The following RUNDC3B variants were observed in gnomAD, a reference collection of about 807,000 sequenced individuals.
The protein encoded by RUNDC3B is RUN domain-containing protein 3B.
A neutral mutation model predicts 58.4 loss-of-function variants in RUNDC3B; 33 were observed. The ratio of observed to expected loss-of-function variants is 0.56; its 90% CI spans 0.43 to 0.75. The LOEUF is 0.75. RUNDC3B is among the 30% of genes least tolerant of loss of function. The pLI is 0.00. For missense variants in RUNDC3B, 501 were observed against 535.7 expected (o/e 0.94, Z 0.64); for synonymous variants, 193 against 195.2 (o/e 0.99, Z 0.10).
intron 9 of RUNDC3B, among the ~76,000 whole-genome samples, chr7:87,814,882 A>T (rs1836947042): frequency 6.6e-6 from 1 of 152,198 alleles, no homozygotes; most frequent in African/African-American, 2.4e-5. Flanking sequence ...CTTAGAGGGA[A>T]AAACAAATAT....
At chr7:87,766,076 T>C (rs1031741821) in intron 6 of RUNDC3B, among the ~76,000 whole-genome samples, 1 of 152,170 alleles carries the variant, frequency 6.6e-6, no homozygotes, top group Non-Finnish European at 1.5e-5. Flanking sequence ...CTGTTGTTGA[T>C]TTAAAGTCTG....
chr7:87,786,005 C>T (rs1262838339), intron 8 of RUNDC3B, among the ~76,000 whole-genome samples: 1 of 152,190 alleles, frequency 6.6e-6, no homozygotes, highest in Admixed American at 6.5e-5. Context: ...AGATTCTATG[C>T]AGGCTTTCCA....
At chr7:87,667,954 G>A (rs1029492753) in intron 2 of RUNDC3B, among the ~76,000 whole-genome samples, 1 of 151,802 alleles carries the variant, frequency 6.6e-6, no homozygotes, top group African/African-American at 2.4e-5. Context: ...TTCTTTTTTT[G>A]TTGTGTCTCT....
chr7:87,822,329 C>A (rs1837514590), intron 10 of RUNDC3B, among the ~76,000 whole-genome samples: 1 of 152,170 alleles, frequency 6.6e-6, no homozygotes, highest in Non-Finnish European at 1.5e-5. Context: ...AAGTCAAAAC[C>A]ACAATGAGAT....
intron 5 of RUNDC3B, among the ~76,000 whole-genome samples, chr7:87,740,662 A>G (rs995174678): frequency 3.3e-5 from 5 of 152,210 alleles, no homozygotes; most frequent in African/African-American, 1.2e-4. Context: ...GTTCGTTTTC[A>G]CTGAAGTTAT....
chr7:87,704,988 A>G (rs1014378109), intron 3 of RUNDC3B, among the ~76,000 whole-genome samples: 3 of 152,220 alleles, frequency 2.0e-5, no homozygotes, highest in African/African-American at 7.2e-5. Context: ...TTCAGACCAG[A>G]AGCACTAAAT....
chr7:87,729,917 G>A (rs1333902328), intron 4 of RUNDC3B, among the ~76,000 whole-genome samples: 1 of 152,174 alleles, frequency 6.6e-6, no homozygotes, highest in Non-Finnish European at 1.5e-5. Flanking sequence ...ATCAGGAACA[G>A]TCTTTGAGGC....
At position 87,770,667 on chromosome 7, in the gene RUNDC3B, C is replaced by T. The variant is rs1834228976; in HGVS notation, c.716C>T (p.Pro239Leu). The stretch of plus-strand genomic sequence containing the variant: ...AGCAGTACTCCAGAGAATGTCGGAC[C>T]TCCTTTCCTCATGGATGAGAACAGT... The part of the protein sequence containing the change: ...SESSTPENVG[P>L]PFLMDENSWF... Residue 239 changes from proline to leucine, a missense_variant, in exon 7 of 11, where the codon CCT becomes CTT. Transcript: ENST00000394654. 2 of 1,613,430 alleles carry T rather than the reference C, an allele frequency of 1.2e-6. No individual in the cohort carries two copies. The highest frequency in any genetic ancestry group is 1.7e-6 in the Non-Finnish European group (2 of 1,179,454).
At position 87,816,204 on chromosome 7, in the gene RUNDC3B, T is replaced by C. The variant is rs1837021261; in HGVS notation, c.1167T>C (p.Asp389=). 6.2e-7 allele frequency: 1 copy of C among 1,610,204 alleles called. No individual in the cohort carries two copies. Among genetic ancestry groups the C allele is most frequent in the Non-Finnish European group, 8.5e-7 (1 of 1,176,660 alleles). ...TTAGCCTTTCTCAGACTTCACTAGA[T>C]CCAGGCCAGTCACAAGAAGGAGATG... is the stretch of plus-strand genomic sequence containing the variant. ...AEVSLSQTSL[D]PGQSQEGDGK... Residue 389 remains aspartate, a synonymous_variant, in exon 10 of 11, where the codon GAT becomes GAC. Transcript: ENST00000394654.
chr7:87,645,567 T>C (rs1460877756), intron 1 of RUNDC3B, among the ~76,000 whole-genome samples: 2 of 152,226 alleles, frequency 1.3e-5, no homozygotes. Context: ...ATTTGATATT[T>C]TTAGACATTC....
At chr7:87,803,754 A>G (rs1836292423) in intron 8 of RUNDC3B, among the ~76,000 whole-genome samples, 1 of 152,140 alleles carries the variant, frequency 6.6e-6, no homozygotes, top group Non-Finnish European at 1.5e-5. Context: ...CGTTGTGAAT[A>G]TATTTTTTTC....
chr7:87,750,839 C>T (rs1278974501), intron 6 of RUNDC3B, among the ~76,000 whole-genome samples: 3 of 151,154 alleles, frequency 2.0e-5, no homozygotes, highest in Non-Finnish European at 4.4e-5. Flanking sequence ...TGCCTGTTCA[C>T]TCTGATGGTA....
chr7:87,734,335 A>G (rs755306319), intron 4 of RUNDC3B, among the ~76,000 whole-genome samples: 1 of 152,174 alleles, frequency 6.6e-6, no homozygotes, highest in Non-Finnish European at 1.5e-5. Context: ...TTCAGGCATA[A>G]AAAGAAATGT....
chr7:87,710,523 TA>T, intron 3 of RUNDC3B, 46 bp from the exon 4 acceptor site: 1 of 1,198,620 alleles, frequency 8.3e-7, no homozygotes, highest in Non-Finnish European at 1.2e-6. Context: ...AGTGGCAAAA[TA>T]TTTTTTTAAT....
At chr7:87,681,727 A>G (rs1307258868) in intron 2 of RUNDC3B, among the ~76,000 whole-genome samples, 1 of 151,712 alleles carries the variant, frequency 6.6e-6, no homozygotes, top group Non-Finnish European at 1.5e-5. Flanking sequence ...TTAAGACAAC[A>G]ATGGGCTGGG....
intron 8 of RUNDC3B, among the ~76,000 whole-genome samples, chr7:87,803,423 C>T (rs1836274441): frequency 6.6e-6 from 1 of 152,066 alleles, no homozygotes; most frequent in African/African-American, 2.4e-5. Flanking sequence ...ATGAAATAGC[C>T]AATTGATAAA....
chr7:87,721,399 G>A (rs1830879300), intron 4 of RUNDC3B, among the ~76,000 whole-genome samples: 1 of 151,978 alleles, frequency 6.6e-6, no homozygotes, highest in African/African-American at 2.4e-5. Flanking sequence ...TTGGAACCAT[G>A]TAAATATTTC....
chr7:87,783,180 T>G (rs1028573819), intron 8 of RUNDC3B, among the ~76,000 whole-genome samples: 1 of 149,840 alleles, frequency 6.7e-6, no homozygotes, highest in African/African-American at 2.4e-5. Context: ...TGTTTGTGTA[T>G]GTGTGTGTGT....
chr7:87,710,908 C>T (rs150568881), intron 4 of RUNDC3B, among the ~76,000 whole-genome samples: 28 of 152,314 alleles, frequency 1.8e-4, no homozygotes, highest in African/African-American at 6.3e-4. Context: ...GATTCATACT[C>T]TTTCAACTCT....
Sources: allele counts gnomAD v4.1 joint callset (sites outside exome capture counted in the v4.1 genomes callset), GRCh38; gene constraint gnomAD v4.1.1; transcripts MANE v1.5; gene names NCBI Gene and HGNC (gene_info 2026-07-23, HGNC 2026-07-21).